The following RNPEP variants were observed in gnomAD, a reference collection of about 807,000 sequenced individuals.
The protein encoded by RNPEP is arginyl aminopeptidase.
RNPEP carries 57 observed loss-of-function variants against 70.1 expected under a neutral mutation model. The observed-to-expected ratio is 0.81, with a 90% CI of 0.66 to 1.01. The LOEUF is 1.01. Ranked by LOEUF, RNPEP falls within the 50% of genes least tolerant of loss-of-function variation. The pLI is 0.00. For synonymous variants in RNPEP, 335 were observed against 357.4 expected (o/e 0.94, Z 0.71); for missense variants, 787 against 852.4 (o/e 0.92, Z 0.96).
intron 3 of RNPEP, among the ~76,000 whole-genome samples, chr1:201,991,960 G>A (rs1355975999): frequency 6.6e-6 from 1 of 152,008 alleles, no homozygotes; most frequent in African/African-American, 2.4e-5. Context: ...CATCATCTTT[G>A]GCGACTTTTC....
intron 2 of RNPEP, 39 bp downstream of exon 2, chr1:201,989,083 G>C: frequency 6.3e-7 from 1 of 1,585,980 alleles, no homozygotes; most frequent in South Asian, 1.1e-5. Flanking sequence ...CCCTTGGGAT[G>C]AAGAAATGAT....
At chr1:201,997,137 G>A (rs1435998919) in intron 4 of RNPEP, among the ~76,000 whole-genome samples, 182 bp from the exon 5 acceptor site, 1 of 151,612 alleles carries the variant, frequency 6.6e-6, no homozygotes, top group Non-Finnish European at 1.5e-5. Context: ...GCAAGGCAGG[G>A]GAGCCACGTG....
chr1:201,989,140 C>T (rs114371828), intron 2 of RNPEP, 96 bp downstream of exon 2: 27,841 of 1,460,000 alleles, frequency 0.019, 389 homozygotes, highest in South Asian at 0.043. Flanking sequence ...ATTATTATAT[C>T]CATTCAGTGG....
Position 202,005,860 on chromosome 1 carries a change from C to T in RNPEP, c.*144C>T, listed in dbSNP as rs1684044051. On this transcript the variant is annotated 3_prime_UTR_variant, in exon 11 of 11. Transcript: ENST00000295640. ...TATTCTCTAGCTTAGGTATCTGTGA[C>T]TCTTGGGCCTCTGCTCTGGTGGGAA... 2 of 950,320 alleles carry T rather than the reference C, an allele frequency of 2.1e-6. No individual in the cohort carries two copies. The highest frequency in any genetic ancestry group is 3.1e-6 in the Non-Finnish European group (2 of 641,876). 58.9% of individuals were successfully genotyped at this position (950,320 alleles called of 1,614,324 possible).
Position 202,003,381 on chromosome 1 carries a change from C to A in RNPEP, c.1571C>A (p.Ala524Asp). The A allele has an allele frequency of 1.2e-6, 2 of 1,614,140 alleles. No homozygotes were observed. The highest frequency in any genetic ancestry group is 1.7e-6 in the Non-Finnish European group (2 of 1,180,016). Residue 524 changes from alanine to aspartate, a missense_variant, in exon 9 of 11, where the codon GCC becomes GAC. Physicochemically the swap from Ala to Asp is moderately radical, Grantham distance 126. Coordinates refer to ENST00000295640, the MANE Select transcript of RNPEP (RefSeq NM_020216.4). Reference protein sequence around the residue: ...AEELDMKAIEAVAISPWKTYQ... With the variant: ...AEELDMKAIEDVAISPWKTYQ... ...GAGCTGGACATGAAGGCCATTGAAG[C>A]CGTGGCCATCTCTCCCTGGAAGACC...
At chr1:201,990,394 AG>A (rs1229458171) in intron 3 of RNPEP, among the ~76,000 whole-genome samples, 1 of 150,422 alleles carries the variant, frequency 6.6e-6, no homozygotes, top group African/African-American at 2.5e-5. Context: ...GAAGATAAAA[AG>A]GGATTTTGTA....
rs560116312 is a variant in RNPEP, at chr1:201,996,788, G to A, written c.854+525G>A. ...ATTACAGGTGTGAGCCACCAGGCCC[G>A]GCAGAGAAGAGGTTCTTGAGGTGTT... On this transcript the variant is annotated intron_variant, in intron 4 of 10. Transcript: ENST00000295640. Among the ~76,000 whole-genome samples, 42 of 152,194 alleles carry A rather than the reference G, an allele frequency of 2.8e-4. No individual in the cohort carries two copies. In the South Asian group the frequency reaches 7.9e-3, roughly 29 times the overall value.
chr1:202,001,468 C>G lies in RNPEP; in HGVS notation c.1297C>G (p.Gln433Glu), dbSNP rs772103009. 3.7e-6 allele frequency: 6 copies of G among 1,611,644 alleles called. No homozygotes were observed. In the Admixed American group the frequency reaches 1.0e-4, roughly 27 times the overall value. Reference sequence around the variant, plus strand: ...GGCCCACTTGGTGGGTGATCAGGATCAGTTTGACAGTTTTCTCAAGGTATA... The same window carrying G: ...GGCCCACTTGGTGGGTGATCAGGATGAGTTTGACAGTTTTCTCAAGGTATA... ...YLAHLVGDQDQFDSFLKAYVH... is the reference protein window; with the variant it reads ...YLAHLVGDQDEFDSFLKAYVH... The change falls in exon 7 of 11, where the codon CAG (glutamine) becomes GAG (glutamate). Residue 433 changes from glutamine to glutamate, a missense_variant. Transcript: ENST00000295640.
intron 3 of RNPEP, chr1:201,995,935 C>T (rs889081067): frequency 1.4e-5 from 8 of 558,142 alleles, no homozygotes; most frequent in Admixed American, 3.4e-5. Flanking sequence ...CACGGTTCCA[C>T]CTCCATGAGG....
intron 8 of RNPEP, 68 bp from the exon 9 acceptor site, chr1:202,003,169 G>T: frequency 8.7e-7 from 1 of 1,151,874 alleles, no homozygotes; most frequent in Non-Finnish European, 1.2e-6. Flanking sequence ...GTCTCTGGGA[G>T]TTGCTTAAAC....
chr1:202,003,493 T>A lies in RNPEP; in HGVS notation c.1651+32T>A, dbSNP rs764338438. 2.0e-6 allele frequency: 3 copies of A among 1,476,818 alleles called. No homozygotes were observed. In the South Asian group the frequency reaches 3.5e-5, roughly 17 times the overall value. The allele number at this position is 1,476,818 out of a possible 1,614,324, so 91.5% of individuals were successfully genotyped here. On this transcript the variant is annotated intron_variant, in intron 9 of 10. Transcript: ENST00000295640. ...AAAAATGGTGAACCAGGGCTCCTTG[T>A]GTGCACAGCTTTATGTCAGGGGCTA...
chr1:201,996,252 T>G lies in RNPEP; in HGVS notation c.843T>G (p.Tyr281Ter). ...CAGGAGAGAAGCTTTTTGGACCTTATGTTTGGGGAAGGTGTGGTATCACAT... is the reference window on the plus strand; with the variant it reads ...CAGGAGAGAAGCTTTTTGGACCTTAGGTTTGGGGAAGGTGTGGTATCACAT... ...LATGEKLFGPYVWGRYDLLFM... is the reference protein window; with the variant it reads ...LATGEKLFGP The change falls in exon 4 of 11, where the codon TAT (tyrosine) becomes TAG (stop). Residue 281 changes from tyrosine to a stop codon, truncating the protein, a stop_gained. Coordinates refer to ENST00000295640, the MANE Select transcript of RNPEP (RefSeq NM_020216.4). LOFTEE classifies it high-confidence loss of function. 1 of 1,608,622 alleles carries G rather than the reference T, an allele frequency of 6.2e-7. No homozygotes were observed. Among genetic ancestry groups the G allele is most frequent in the Non-Finnish European group, 8.5e-7 (1 of 1,174,976 alleles).
intron 1 of RNPEP, among the ~76,000 whole-genome samples, chr1:201,988,445 G>T (rs1267167965): frequency 8.1e-6 from 1 of 124,104 alleles, no homozygotes; most frequent in South Asian, 2.8e-4. Flanking sequence ...GCGACAGAGC[G>T]ATACTCTGTC....
intron 3 of RNPEP, among the ~76,000 whole-genome samples, chr1:201,990,556 C>G (rs1367018582): frequency 6.6e-6 from 1 of 152,208 alleles, no homozygotes; most frequent in Non-Finnish European, 1.5e-5. Flanking sequence ...TTCTTTATCT[C>G]TGGCCCTGCT....
intron 7 of RNPEP, 81 bp downstream of exon 7, chr1:202,001,569 A>G (rs1400952069): frequency 7.0e-7 from 1 of 1,435,312 alleles, no homozygotes; most frequent in African/African-American, 1.4e-5. Flanking sequence ...GGGGCGAAAG[A>G]TGTAAGGGGT....
In RNPEP at chr1:201,999,997, C is replaced by T. The variant is rs140770038; in HGVS notation, c.1186C>T (p.Arg396Cys). Residue 396 changes from arginine (R) to cysteine (C), a missense_variant, in exon 6 of 11, where the codon CGC (arginine) becomes TGC (cysteine). By Grantham distance (180) the Arg-to-Cys change is radical. Coordinates refer to ENST00000295640, the MANE Select transcript of RNPEP (RefSeq NM_020216.4). ...AGAGGAAAACCCACTCAACAAGCTC[C>T]GCGTGAAGATTGAACCAGGTCCAGG... is the stretch of plus-strand genomic sequence containing the variant. The part of the protein sequence containing the change: ...TGEENPLNKL[R>C]VKIEPGVDPD... 7.4e-6 allele frequency: 12 copies of T among 1,613,358 alleles called. No homozygotes were observed. The Admixed American group carries it at 1.0e-4, about 13-fold the overall frequency.
intron 5 of RNPEP, 149 bp downstream of exon 5, chr1:201,997,703 T>G (rs1683612735): frequency 3.6e-6 from 2 of 561,034 alleles, no homozygotes; most frequent in East Asian, 3.0e-5. Flanking sequence ...ATGTATGAAT[T>G]GTCAAACCAC....
At position 201,997,319 on chromosome 1, in the gene RNPEP, G is replaced by C. The variant is rs756664549; in HGVS notation, c.855G>C (p.Arg285Ser). ...EKLFGPYVWG[R>S]YDLLFMPPSF... ...TGGTGACCTCCCCGCTTCTCGGCAG[G>C]TATGACTTGCTCTTCATGCCACCGT... The change falls in exon 5 of 11, where the codon AGG (arginine) becomes AGC (serine). Residue 285 changes from arginine to serine, a missense_variant and splice_region_variant. By Grantham distance (110) the Arg-to-Ser change is moderately radical (BLOSUM62 -1). Coordinates refer to ENST00000295640, the MANE Select transcript of RNPEP (RefSeq NM_020216.4). The C allele has an allele frequency of 2.7e-5, 44 of 1,613,884 alleles. No homozygotes were observed. In the South Asian group the frequency reaches 4.7e-4, roughly 17 times the overall value.
chr1:202,001,668 C>T lies in RNPEP; in HGVS notation c.1327C>T (p.His443Tyr). The change falls in exon 8 of 11, where the codon CAT (histidine) becomes TAT (tyrosine). Residue 443 changes from histidine (H) to tyrosine (Y), a missense_variant. Physicochemically the swap from His to Tyr is moderately conservative, Grantham distance 83 (BLOSUM62 2). Coordinates refer to ENST00000295640, the MANE Select transcript of RNPEP (RefSeq NM_020216.4). ...CTTTCCCTCCTCACAGGCCTATGTG[C>T]ATGAATTCAAATTCCGAAGCATCTT... ...QFDSFLKAYV[H>Y]EFKFRSILAD... 2 of 1,612,306 alleles carry T rather than the reference C, an allele frequency of 1.2e-6. No homozygotes were observed.
Sources: gnomAD v4.1 joint callset for allele counts (sites outside exome capture counted in the v4.1 genomes callset) on GRCh38, gnomAD v4.1.1 for gene constraint, MANE v1.5 for transcripts, NCBI Gene and HGNC (gene_info 2026-07-23, HGNC 2026-07-21) for gene names.